The following ZCCHC2 variants were observed in gnomAD, a reference collection of about 807,000 sequenced individuals.
ZCCHC2 encodes zinc finger CCHC-type containing 2.
In ZCCHC2, 39 loss-of-function variants were observed where a neutral mutation model predicts 103.6. The observed-to-expected ratio is 0.38, with a 90% CI of 0.29 to 0.49. ZCCHC2 has a LOEUF of 0.49. ZCCHC2 is among the 20% of genes least tolerant of loss of function. ZCCHC2 has a pLI of 0.96. For synonymous variants in ZCCHC2, 687 were observed against 608.9 expected (o/e 1.13, Z -1.89); for missense variants, 1,483 against 1,491.0 (o/e 0.99, Z 0.09).
At chr18:62,533,259 C>A (rs1309562156) in intron 1 of ZCCHC2, among the ~76,000 whole-genome samples, 1 of 152,052 alleles carries the variant, frequency 6.6e-6, no homozygotes, top group Admixed American at 6.6e-5. Context: ...GGTGTGGTGG[C>A]TTACGCCTGT....
intron 4 of ZCCHC2, among the ~76,000 whole-genome samples, chr18:62,548,506 TG>T (rs1337976410): frequency 6.6e-6 from 1 of 152,222 alleles, no homozygotes; most frequent in African/African-American, 2.4e-5. Context: ...TTTCTTTGGC[TG>T]TGTACAGATA....
intron 1 of ZCCHC2, among the ~76,000 whole-genome samples, chr18:62,537,038 G>A (rs191509013): frequency 5.8e-4 from 88 of 152,088 alleles, no homozygotes; most frequent in Admixed American, 3.9e-3. Flanking sequence ...TTTAGTGTAC[G>A]GTTCAGTAGC....
chr18:62,545,180 T>A (rs1241396953), intron 4 of ZCCHC2, among the ~76,000 whole-genome samples: 2 of 152,038 alleles, frequency 1.3e-5, no homozygotes, highest in African/African-American at 4.8e-5. Context: ...GAGGCAGGAT[T>A]TCCAAGACCA....
At chr18:62,569,913 T>G (rs1308347917) in intron 11 of ZCCHC2, among the ~76,000 whole-genome samples, 190 bp from the exon 12 acceptor site, 3 of 152,192 alleles carry the variant, frequency 2.0e-5, no homozygotes, top group African/African-American at 7.2e-5. Flanking sequence ...TGCATTGTTT[T>G]AAGGATATAT....
intron 3 of ZCCHC2, among the ~76,000 whole-genome samples, chr18:62,543,296 T>C (rs1208321178): frequency 2.0e-5 from 3 of 152,108 alleles, no homozygotes; most frequent in African/African-American, 7.2e-5. Context: ...ACTAGAATGT[T>C]TTCTCCTTCA....
At chr18:62,531,953 C>T (rs1418608002) in intron 1 of ZCCHC2, among the ~76,000 whole-genome samples, 1 of 152,112 alleles carries the variant, frequency 6.6e-6, no homozygotes, top group Non-Finnish European at 1.5e-5. Flanking sequence ...CACTGCACTC[C>T]AGCCTGAGCA....
chr18:62,550,589 T>C (rs1316828349), intron 5 of ZCCHC2, 129 bp downstream of exon 5: 3 of 666,008 alleles, frequency 4.5e-6, no homozygotes, highest in Non-Finnish European at 7.7e-6. Context: ...GGACATGTTA[T>C]CCTTGTGCTA....
intron 4 of ZCCHC2, among the ~76,000 whole-genome samples, chr18:62,546,223 C>T (rs1915401811): frequency 1.3e-5 from 2 of 152,176 alleles, no homozygotes; most frequent in South Asian, 4.1e-4. Flanking sequence ...CTGCTGTGCT[C>T]AGTCATGGTA....
chr18:62,523,284 A>AC lies in ZCCHC2; in HGVS notation c.-138dup. ...GCCACCGCCCCCCTCGCCGGCCGAG[A>AC]CCCGCCCCCGGCCCCGGCCCTCCCC... On this transcript the variant is annotated 5_prime_UTR_variant, in exon 1 of 14. Coordinates refer to ENST00000269499, the MANE Select transcript of ZCCHC2 (RefSeq NM_017742.6). 7 of 551,802 alleles carry AC rather than the reference A, an allele frequency of 1.3e-5. No individual in the cohort carries two copies. The highest frequency in any genetic ancestry group is 1.6e-5 in the Non-Finnish European group (7 of 440,304). The allele number at this position is 551,802 out of a possible 1,614,324, so 34.2% of individuals were successfully genotyped here. A position where few individuals can be genotyped will look rare whatever the true frequency, so the allele number is the denominator to read the frequency against.
chr18:62,573,199 A>G (rs781344011), intron 12 of ZCCHC2, among the ~76,000 whole-genome samples: 1 of 152,188 alleles, frequency 6.6e-6, no homozygotes, highest in Non-Finnish European at 1.5e-5. Context: ...AAGATTTTTA[A>G]ATAGGCACTA....
chr18:62,574,892 C>T lies in ZCCHC2; in HGVS notation c.2811C>T (p.Ser937=). 6.2e-7 allele frequency: 1 copy of T among 1,613,880 alleles called. No individual in the cohort carries two copies. Residue 937 remains serine, a synonymous_variant, in exon 13 of 14, where the codon AGC becomes AGT. Coordinates refer to ENST00000269499, the MANE Select transcript of ZCCHC2 (RefSeq NM_017742.6). ...VLPSQNSSVL[S]TAATSPQPAS... is the part of the protein sequence containing the mutation. ...CCAGCCAGAACTCCAGTGTGCTCAG[C>T]ACAGCAGCAACTTCTCCCCAGCCAG... is the stretch of plus-strand genomic sequence containing the variant.
chr18:62,579,332 C>A (rs77775870), downstream of ZCCHC2, among the ~76,000 whole-genome samples: 5,994 of 152,270 alleles, frequency 0.039, 373 homozygotes, highest in African/African-American at 0.14. Flanking sequence ...TATTTCATTG[C>A]TTATCTTGGC....
intron 1 of ZCCHC2, chr18:62,526,084 C>T (rs1914380108): frequency 6.6e-6 from 1 of 151,878 alleles, no homozygotes; most frequent in Non-Finnish European, 1.5e-5. Flanking sequence ...TTTTTCTTTC[C>T]CTTTTCTTTC....
downstream of ZCCHC2, among the ~76,000 whole-genome samples, chr18:62,579,006 G>T (rs551993348): frequency 3.3e-5 from 5 of 152,276 alleles, no homozygotes; most frequent in Admixed American, 3.3e-4. Context: ...GACATCAAGT[G>T]ATCTGCCTGC....
intron 3 of ZCCHC2, among the ~76,000 whole-genome samples, chr18:62,543,660 A>C (rs954063758): frequency 3.5e-4 from 53 of 152,248 alleles, no homozygotes; most frequent in South Asian, 2.1e-4. Context: ...TTCTGGCTCT[A>C]AAGCTCCCTC....
At position 62,562,998 on chromosome 18, in the gene ZCCHC2, T is replaced by C; in HGVS notation, c.1551-11T>C. 6.2e-7 allele frequency: 1 copy of C among 1,600,386 alleles called. No individual in the cohort carries two copies. The highest frequency in any genetic ancestry group is 1.7e-5 in the Admixed American group (1 of 59,742). ...CAGATTTTCACACTTTCATAAACTT[T>C]TCTTTGGTAGCAATATTGGTACAAG... On this transcript the variant is annotated splice_polypyrimidine_tract_variant and intron_variant, in intron 8 of 13. Coordinates refer to ENST00000269499, the MANE Select transcript of ZCCHC2 (RefSeq NM_017742.6).
chr18:62,558,576 C>T, intron 6 of ZCCHC2, 111 bp from the exon 7 acceptor site: 1 of 601,022 alleles, frequency 1.7e-6, no homozygotes, highest in Non-Finnish European at 2.8e-6. Flanking sequence ...GCCATGTTTT[C>T]TTCACCACTC....
At chr18:62,542,625 T>G (rs1261672759) in intron 3 of ZCCHC2, 51 bp downstream of exon 3, 1 of 1,480,108 alleles carries the variant, frequency 6.8e-7, no homozygotes, top group Non-Finnish European at 9.2e-7. Flanking sequence ...CTCAATGATC[T>G]TTGGGAAAAC....
intron 1 of ZCCHC2, among the ~76,000 whole-genome samples, chr18:62,533,916 T>C (rs552083448): frequency 1.3e-5 from 2 of 152,072 alleles, no homozygotes; most frequent in South Asian, 4.2e-4. Context: ...GGCAGTGATT[T>C]TGTCTTATTT....
Sources: gnomAD v4.1 joint callset for allele counts (sites outside exome capture counted in the v4.1 genomes callset) on GRCh38, gnomAD v4.1.1 for gene constraint, MANE v1.5 for transcripts, NCBI Gene and HGNC (gene_info 2026-07-23, HGNC 2026-07-21) for gene names.